Variants in CPA4 observed in about 807,000 individuals in gnomAD.
The protein encoded by CPA4 is carboxypeptidase A4, also known as carboxypeptidase A3.
A neutral mutation model predicts 54.7 loss-of-function variants in CPA4; 49 were observed. The ratio of observed to expected loss-of-function variants is 0.90; its 90% confidence interval spans 0.71 to 1.14. The LOEUF (loss-of-function observed/expected upper bound fraction) is 1.14. Among genes scored for constraint, CPA4 ranks in the 50% most tolerant of loss-of-function variants. The probability of loss-of-function intolerance (pLI) is 0.00; values close to 1 mark genes in which losing one functional copy is unlikely to be tolerated. For missense variants in CPA4, 487 were observed against 525.1 expected, an observed-to-expected ratio of 0.93 and a Z score of 0.71; for synonymous variants, 215 against 206.8, an observed-to-expected ratio of 1.04 and a Z score of -0.34.
chr7:130,302,929 C>T (rs1584747232), intron 4 of CPA4, among the ~76,000 whole-genome samples: 1 of 152,326 alleles, frequency 6.6e-6, no homozygotes. Flanking sequence ...TCCCACCCTC[C>T]ACCCTCCTAG....
chr7:130,297,772 G>A (rs769050211), intron 1 of CPA4, among the ~76,000 whole-genome samples: 1 of 152,210 alleles, frequency 6.6e-6, no homozygotes, highest in Non-Finnish European at 1.5e-5. Context: ...TCAAAGAGAT[G>A]ACACAGTGAC....
At position 130,324,065 on chromosome 7, in the gene CPA4, T is replaced by TTA. The variant is rs1794178316; in HGVS notation, c.*1390_*1391insAT. ...TACCATCTGTCCTTTTGTTGTTGTT[T>TTA]TGTTTTTGTTTTTTTGCTTTTACCA... is the stretch of plus-strand genomic sequence containing the variant. On this transcript the variant is annotated 3_prime_UTR_variant, in exon 11 of 11. Transcript: ENST00000222482. 8.3e-6 allele frequency: 1 copy of TTA among 119,948 alleles called. No individual in the cohort carries two copies. 7.4% of individuals were successfully genotyped at this position (119,948 alleles called of 1,614,324 possible).
chr7:130,317,720 G>C (rs1401812423), intron 10 of CPA4, among the ~76,000 whole-genome samples: 2 of 152,150 alleles, frequency 1.3e-5, no homozygotes, highest in Non-Finnish European at 2.9e-5. Flanking sequence ...GTCTGTCTCA[G>C]CCTCCCAAAG....
chr7:130,293,192 A>T lies in CPA4; in HGVS notation c.12A>T (p.Ile4=), dbSNP rs548969282. The stretch of plus-strand genomic sequence containing the variant: ...GACTCCCCGGGGACATGAGGTGGAT[A>T]CTGTTCATTGGGGCCCTTATTGGGT... MRW[I]LFIGALIGSS... is the part of the protein sequence containing the mutation. The change falls in exon 1 of 11, where the codon ATA becomes ATT. Residue 4 remains isoleucine, a synonymous_variant. Coordinates refer to ENST00000222482, the MANE Select transcript of CPA4 (RefSeq NM_016352.4). 48 of 1,609,262 alleles carry T rather than the reference A, an allele frequency of 3.0e-5. No individual in the cohort carries two copies. The South Asian group carries it at 5.1e-4, about 17-fold the overall frequency.
chr7:130,321,300 T>G (rs1389846901), intron 10 of CPA4, among the ~76,000 whole-genome samples: 1 of 152,208 alleles, frequency 6.6e-6, no homozygotes, highest in Non-Finnish European at 1.5e-5. Flanking sequence ...TTGCCCTTCA[T>G]AAGCCTTTTG....
At chr7:130,306,526 G>T (rs1028408745) in intron 6 of CPA4, among the ~76,000 whole-genome samples, 1 of 152,174 alleles carries the variant, frequency 6.6e-6, no homozygotes, top group Non-Finnish European at 1.5e-5. Context: ...AAGGAATAAA[G>T]CACGTACCCC....
chr7:130,309,909 G>A (rs1402422728), intron 8 of CPA4, among the ~76,000 whole-genome samples: 2 of 152,104 alleles, frequency 1.3e-5, no homozygotes, highest in Non-Finnish European at 2.9e-5. Context: ...GGGACTATAG[G>A]CGCATGCCAC....
In CPA4 at chr7:130,324,100, G is replaced by T. The variant is rs1794179414; in HGVS notation, c.*1424G>T. 6.6e-6 allele frequency: 1 copy of T among 152,544 alleles called. No individual in the cohort carries two copies. The highest frequency in any genetic ancestry group is 2.4e-5 in the African/African-American group (1 of 41,418). The allele number at this position is 152,544 out of a possible 1,614,324, so 9.4% of individuals were successfully genotyped here. On this transcript the variant is annotated 3_prime_UTR_variant, in exon 11 of 11. Coordinates refer to ENST00000222482, the MANE Select transcript of CPA4 (RefSeq NM_016352.4). Reference sequence around the variant, plus strand: ...TTTTTTGCTTTTACCAAACATGTCTGTAAATCTTAACCTCCTGCCTAGGAT... The same window carrying T: ...TTTTTTGCTTTTACCAAACATGTCTTTAAATCTTAACCTCCTGCCTAGGAT...
intron 10 of CPA4, among the ~76,000 whole-genome samples, chr7:130,321,317 G>A (rs1374249238): frequency 6.6e-6 from 1 of 152,154 alleles, no homozygotes; most frequent in Admixed American, 6.5e-5. Flanking sequence ...TTTGGCAAAG[G>A]TAAGTCCCAA....
At chr7:130,319,525 A>G (rs1157966936) in intron 10 of CPA4, among the ~76,000 whole-genome samples, 1 of 152,266 alleles carries the variant, frequency 6.6e-6, no homozygotes, top group Non-Finnish European at 1.5e-5. Context: ...GAGAAAAGGC[A>G]TACAAAATTT....
intron 1 of CPA4, among the ~76,000 whole-genome samples, chr7:130,297,675 T>G (rs1317398215): frequency 1.3e-5 from 2 of 152,148 alleles, no homozygotes; most frequent in African/African-American, 4.8e-5. Flanking sequence ...AGCTGCCCCA[T>G]GAGGCTGCAC....
At chr7:130,300,667 T>C in intron 3 of CPA4, 149 bp from the exon 4 acceptor site, 1 of 589,012 alleles carries the variant, frequency 1.7e-6, no homozygotes, top group South Asian at 2.4e-5. Flanking sequence ...ATGAAAGAAA[T>C]CTAACCCCCT....
intron 4 of CPA4, 27 bp downstream of exon 4, chr7:130,300,941 C>A: frequency 6.8e-7 from 1 of 1,460,940 alleles, no homozygotes; most frequent in East Asian, 2.3e-5. Context: ...GGGTTAAGAT[C>A]AAGGTTCTCT....
chr7:130,318,186 C>T (rs1052368882), intron 10 of CPA4, among the ~76,000 whole-genome samples: 2 of 152,066 alleles, frequency 1.3e-5, no homozygotes, highest in African/African-American at 2.4e-5. Context: ...TGGTAGGTGC[C>T]CTCTGAGGAC....
At chr7:130,313,433 A>G (rs577619867) in intron 10 of CPA4, among the ~76,000 whole-genome samples, 73 of 152,336 alleles carry the variant, frequency 4.8e-4, no homozygotes, top group African/African-American at 1.5e-3. Context: ...TTCTTACCCA[A>G]TGAGAGGCAG....
In CPA4 at chr7:130,312,019, A is replaced by G; in HGVS notation, c.994-19A>G. Reference sequence around the variant, plus strand: ...TTCAGGATCGATTTTTTCTCACTCCACGGATTCCCCCTTCCCAGGACAAGG... The same window carrying G: ...TTCAGGATCGATTTTTTCTCACTCCGCGGATTCCCCCTTCCCAGGACAAGG... On this transcript the variant is annotated intron_variant, in intron 9 of 10. Transcript: ENST00000222482. 6.2e-7 allele frequency: 1 copy of G among 1,607,536 alleles called. No individual in the cohort carries two copies. Among genetic ancestry groups the G allele is most frequent in the South Asian group, 1.1e-5 (1 of 90,920 alleles).
In CPA4 at chr7:130,308,731, T is replaced by TATTTTTTTTTTTTTC. The variant is rs1562930687; in HGVS notation, c.793+334_793+335insATTTTTTTTTTTTTC. Among the ~76,000 whole-genome samples, 524 of 135,400 alleles carry TATTTTTTTTTTTTTC rather than the reference T, an allele frequency of 3.9e-3. 3 individuals carry two copies. The highest frequency in any genetic ancestry group is 0.017 in the African/African-American group (486 of 29,348). 88.8% of individuals were successfully genotyped at this position (135,400 alleles called of 152,430 possible). A position where few individuals can be genotyped will look rare whatever the true frequency, so the allele number is the denominator to read the frequency against. On this transcript the variant is annotated intron_variant, in intron 8 of 10. Transcript: ENST00000222482. ...CGCCACCACGCCCGGCTATTTTTTT[T>TATTTTTTTTTTTTTC]CAGTAGAGATGGGGTTTCACCATGT...
intron 10 of CPA4, among the ~76,000 whole-genome samples, chr7:130,318,576 A>G (rs1449734097): frequency 6.6e-6 from 1 of 151,826 alleles, no homozygotes; most frequent in Admixed American, 6.6e-5. Flanking sequence ...ACCCCCAGCT[A>G]ATTTTTGTAT....
intron 7 of CPA4, among the ~76,000 whole-genome samples, 179 bp downstream of exon 7, chr7:130,307,076 A>C (rs1793832571): frequency 6.6e-6 from 1 of 152,246 alleles, no homozygotes; most frequent in Admixed American, 6.5e-5. Flanking sequence ...TAGAGAAAAT[A>C]GTCTAATGAA....
Sources: gnomAD v4.1 joint callset for allele counts (sites outside exome capture counted in the v4.1 genomes callset) on GRCh38, gnomAD v4.1.1 for gene constraint, MANE v1.5 for transcripts, NCBI Gene and HGNC (gene_info 2026-07-23, HGNC 2026-07-21) for gene names.